The following TNR variants were observed in gnomAD, a reference collection of about 807,000 sequenced individuals.
TNR encodes tenascin R.
In TNR, 45 loss-of-function variants were observed where a neutral mutation model predicts 150.4. The observed-to-expected ratio is 0.30, with a 90% CI of 0.24 to 0.38. TNR has a LOEUF of 0.38. TNR is among the 10% of genes least tolerant of loss of function. The pLI is 1.00. For synonymous variants in TNR, 687 were observed against 678.4 expected (o/e 1.01, Z -0.20); for missense variants, 1,544 against 1,759.1 (o/e 0.88, Z 2.19).
chr1:175,431,348 G>T (rs111772688), intron 2 of TNR, among the ~76,000 whole-genome samples: 37 of 152,314 alleles, frequency 2.4e-4, no homozygotes, highest in African/African-American at 8.9e-4. Flanking sequence ...TATCTAACAA[G>T]CATTATCAAG....
chr1:175,367,977 G>C (rs1651918422), intron 9 of TNR, among the ~76,000 whole-genome samples: 1 of 152,144 alleles, frequency 6.6e-6, no homozygotes, highest in Admixed American at 6.5e-5. Flanking sequence ...CACAAAAACT[G>C]TCCCACTAAA....
At position 175,320,234 on chromosome 1, in the gene TNR, C is replaced by G. The variant is rs373080493; in HGVS notation, c.*3123G>C. ...TCTACCTTTGGGAAATGCAGTTGTGCTTGGAGGAGCAGGATAAGCAGGAAT... is the reference window on the plus strand; with the variant it reads ...TCTACCTTTGGGAAATGCAGTTGTGGTTGGAGGAGCAGGATAAGCAGGAAT... On this transcript the variant is annotated 3_prime_UTR_variant, in exon 23 of 23. Coordinates refer to ENST00000367674, the MANE Select transcript of TNR (RefSeq NM_003285.3). 1.3e-5 allele frequency: 2 copies of G among 152,216 alleles called. No individual in the cohort carries two copies. Among genetic ancestry groups the G allele is most frequent in the African/African-American group, 4.8e-5 (2 of 41,390 alleles). 9.4% of individuals were successfully genotyped at this position (152,216 alleles called of 1,614,324 possible).
intron 2 of TNR, among the ~76,000 whole-genome samples, chr1:175,429,724 AG>A (rs1249094157): frequency 1.3e-5 from 2 of 152,208 alleles, no homozygotes. Context: ...GAAACTGGGT[AG>A]GGTCTAGAAT....
intron 4 of TNR, among the ~76,000 whole-genome samples, chr1:175,401,533 G>T (rs1366276569): frequency 6.6e-6 from 1 of 152,048 alleles, no homozygotes; most frequent in Admixed American, 6.5e-5. Flanking sequence ...TTTCAATTCA[G>T]TAAACAAAAT....
chr1:175,427,787 TCTTCCTTC>T (rs200286551), intron 2 of TNR, among the ~76,000 whole-genome samples: 1 of 132,090 alleles, frequency 7.6e-6, no homozygotes, highest in Non-Finnish European at 1.6e-5. Context: ...TCTTTCCCTT[TCTTCCTTC>T]CTTCCTTCCT....
At chr1:175,695,088 A>C (rs1359402923) in intron 1 of TNR, among the ~76,000 whole-genome samples, 2 of 152,200 alleles carry the variant, frequency 1.3e-5, no homozygotes, top group African/African-American at 4.8e-5. Flanking sequence ...GGCTACACTT[A>C]CTGGCTCCCC....
intron 2 of TNR, among the ~76,000 whole-genome samples, chr1:175,411,481 T>G (rs1654212894): frequency 6.6e-6 from 1 of 151,960 alleles, no homozygotes; most frequent in African/African-American, 2.4e-5. Flanking sequence ...CTCTCATAGT[T>G]CTGGTGGCAG....
intron 21 of TNR, among the ~76,000 whole-genome samples, chr1:175,326,993 T>C (rs1649437348): frequency 1.3e-5 from 2 of 151,934 alleles, no homozygotes; most frequent in Non-Finnish European, 2.9e-5. Flanking sequence ...AGTTTTCACC[T>C]CCTCTCACCT....
chr1:175,471,757 AT>A (rs1012545425), intron 2 of TNR, among the ~76,000 whole-genome samples: 7 of 151,842 alleles, frequency 4.6e-5, no homozygotes, highest in African/African-American at 7.3e-5. Flanking sequence ...ATTTTATTAA[AT>A]TTTTTTTCTT....
Position 175,396,478 on chromosome 1 carries a change from C to A in TNR, c.1240+66G>T. 3 of 1,556,682 alleles carry A rather than the reference C, an allele frequency of 1.9e-6. No homozygotes were observed. In the East Asian group the frequency reaches 6.8e-5, roughly 35 times the overall value. The stretch of plus-strand genomic sequence containing the variant: ...AAGAACTAAGAAAAGACGCTACTAT[C>A]ATGAATGCCCATGATCTCATGTAGG... On this transcript the variant is annotated intron_variant, in intron 5 of 22. Coordinates refer to ENST00000367674, the MANE Select transcript of TNR (RefSeq NM_003285.3).
chr1:175,600,695 G>T (rs768981232), intron 1 of TNR, among the ~76,000 whole-genome samples: 6 of 152,242 alleles, frequency 3.9e-5, no homozygotes, highest in South Asian at 4.1e-4. Context: ...GCTCCCTGGC[G>T]TAGTGCTATG....
intron 1 of TNR, among the ~76,000 whole-genome samples, chr1:175,552,263 A>G (rs1177180957): frequency 1.3e-5 from 2 of 152,222 alleles, no homozygotes; most frequent in African/African-American, 4.8e-5. Flanking sequence ...GAGGTGGAAA[A>G]GCATTGTTTC....
At chr1:175,334,389 C>T (rs757801401) in intron 20 of TNR, among the ~76,000 whole-genome samples, 3 of 152,154 alleles carry the variant, frequency 2.0e-5, no homozygotes, top group Non-Finnish European at 4.4e-5. Flanking sequence ...GCAAGACTAA[C>T]GAAAGGCCAA....
intron 2 of TNR, among the ~76,000 whole-genome samples, chr1:175,494,030 C>T (rs1200630812): frequency 6.6e-6 from 1 of 152,182 alleles, no homozygotes; most frequent in African/African-American, 2.4e-5. Flanking sequence ...CTGTGTCTTC[C>T]TCCCGCCTCT....
Position 175,322,235 on chromosome 1 carries a change from G to A in TNR, c.*1122C>T, listed in dbSNP as rs1649094471. 1 of 152,302 alleles carries A rather than the reference G, an allele frequency of 6.6e-6. No homozygotes were observed. Among genetic ancestry groups the A allele is most frequent in the Non-Finnish European group, 1.5e-5 (1 of 68,100 alleles). 9.4% of individuals were successfully genotyped at this position (152,302 alleles called of 1,614,324 possible). A position where few individuals can be genotyped will look rare whatever the true frequency, so the allele number is the denominator to read the frequency against. On this transcript the variant is annotated 3_prime_UTR_variant, in exon 23 of 23. Transcript: ENST00000367674. ...GAAAGTGACTGTCTGTCTGACCTGA[G>A]GGTGGGGGCAGTGGCTGATGACTCA...
intron 1 of TNR, among the ~76,000 whole-genome samples, chr1:175,708,853 A>G (rs1666913723): frequency 6.6e-6 from 1 of 152,206 alleles, no homozygotes; most frequent in Admixed American, 6.5e-5. Context: ...TGTTCAAGTT[A>G]CTTACAGCTA....
At chr1:175,491,735 T>C (rs1444578593) in intron 2 of TNR, among the ~76,000 whole-genome samples, 2 of 145,862 alleles carry the variant, frequency 1.4e-5, no homozygotes, top group Non-Finnish European at 1.5e-5. Flanking sequence ...CTGCAAGCTC[T>C]GCCTCCAGGG....
chr1:175,664,280 T>G (rs1387385488), intron 1 of TNR, among the ~76,000 whole-genome samples: 1 of 152,216 alleles, frequency 6.6e-6, no homozygotes, highest in Non-Finnish European at 1.5e-5. Context: ...CTGGTTATCT[T>G]CCCCAGCTGG....
chr1:175,689,497 G>A (rs971872262), intron 1 of TNR, among the ~76,000 whole-genome samples: 1 of 152,112 alleles, frequency 6.6e-6, no homozygotes, highest in Non-Finnish European at 1.5e-5. Context: ...TTTCATTAAC[G>A]CAGGCTATGG....
Sources: allele counts gnomAD v4.1 joint callset (sites outside exome capture counted in the v4.1 genomes callset), GRCh38; gene constraint gnomAD v4.1.1; transcripts MANE v1.5; gene names NCBI Gene and HGNC (gene_info 2026-07-23, HGNC 2026-07-21).